TIMP2: variants seen among roughly 807,000 people sequenced by gnomAD.
TIMP2 encodes metalloproteinase inhibitor 2.
TIMP2 carries 5 observed loss-of-function variants against 24.3 expected under a neutral mutation model. The observed-to-expected ratio is 0.21, with a 90% CI of 0.11 to 0.43. TIMP2 has a LOEUF of 0.43. Among genes scored for constraint, TIMP2 ranks in the 20% least tolerant of loss-of-function variants. The probability of loss-of-function intolerance (pLI) is 1.00; values close to 1 mark genes in which losing one functional copy is unlikely to be tolerated. For missense variants in TIMP2, 221 were observed against 297.5 expected (o/e 0.74, Z 1.89); for synonymous variants, 130 against 123.2 (o/e 1.06, Z -0.37).
chr17:78,887,556 C>T (rs1283914437), intron 1 of TIMP2, among the ~76,000 whole-genome samples: 2 of 151,942 alleles, frequency 1.3e-5, no homozygotes, highest in Non-Finnish European at 1.5e-5. Flanking sequence ...GGCTAATTTC[C>T]GTATTTTTAG....
rs1469116022 is a variant in TIMP2 at position 78,925,303 on chromosome 17, C to G, written c.-215G>C. On this transcript the variant is annotated 5_prime_UTR_variant, in exon 1 of 5. Transcript: ENST00000262768. ...GGGAGGGGCGCGGGGCGCAATTCGC[C>G]GGGCGGGGCGGCGGGGTGGGGGGCG... 1 of 35,032 alleles carries G rather than the reference C, an allele frequency of 2.9e-5. No individual in the cohort carries two copies. The highest frequency in any genetic ancestry group is 3.7e-4 in the Admixed American group (1 of 2,684). 2.2% of individuals were successfully genotyped at this position (35,032 alleles called of 1,614,324 possible).
chr17:78,857,715 C>T (rs2069535863), intron 3 of TIMP2, 69 bp from the exon 4 acceptor site: 1 of 1,602,454 alleles, frequency 6.2e-7, no homozygotes, highest in Admixed American at 1.7e-5. Flanking sequence ...GCTCCTCCAC[C>T]CGGCGCAGGG....
At position 78,891,596 on chromosome 17, in the gene TIMP2, C is replaced by T. The variant is rs1442880548; in HGVS notation, c.131-17677G>A. 6.4e-7 allele frequency: 1 copy of T among 1,550,908 alleles called. No individual in the cohort carries two copies. The highest frequency in any genetic ancestry group is 1.2e-5 in the South Asian group (1 of 84,070). On this transcript the variant is annotated intron_variant, in intron 1 of 4. Transcript: ENST00000262768. The surrounding 1 kb of genome is among the most constrained non-coding windows in gnomAD (Gnocchi z 4.5). ...CAGCTGCCCGAGGTCTCTCAGCTTC[C>T]CCTCCAGACTCTGTCCCTGAGAGCG...
In TIMP2 at chr17:78,925,348, G is replaced by GC. The variant is rs2070343918; in HGVS notation, c.-261_-260insG. 3 of 151,346 alleles carry GC rather than the reference G, an allele frequency of 2.0e-5. No homozygotes were observed. Among genetic ancestry groups the GC allele is most frequent in the Non-Finnish European group, 4.5e-5 (3 of 67,226 alleles). 9.4% of individuals were successfully genotyped at this position (151,346 alleles called of 1,614,324 possible). ...GGGGCGGCGGGCGAGCGGCGCTGCGGTTCTCGGCGGCCGCGCTGCCTTCTA... is the reference window on the plus strand; with the variant it reads ...GGGGCGGCGGGCGAGCGGCGCTGCGGCTTCTCGGCGGCCGCGCTGCCTTCTA... On this transcript the variant is annotated 5_prime_UTR_variant, in exon 1 of 5. Transcript: ENST00000262768.
chr17:78,906,294 G>A (rs2070157967), intron 1 of TIMP2, among the ~76,000 whole-genome samples: 1 of 152,156 alleles, frequency 6.6e-6, no homozygotes, highest in African/African-American at 2.4e-5. Flanking sequence ...CTTAAGCCCA[G>A]AAGTTCGAGG....
chr17:78,890,993 C>A, intron 1 of TIMP2: 1 of 1,551,174 alleles, frequency 6.4e-7, no homozygotes, highest in South Asian at 1.2e-5. Flanking sequence ...TGCTTTCTGC[C>A]TTTGCCTGGA....
chr17:78,925,024 C>A lies in TIMP2; in HGVS notation c.65G>T (p.Arg22Leu). The A allele has an allele frequency of 1.6e-6, 2 of 1,271,088 alleles. No individual in the cohort carries two copies. The highest frequency in any genetic ancestry group is 2.0e-6 in the Non-Finnish European group (2 of 1,000,338). 78.7% of individuals were successfully genotyped at this position (1,271,088 alleles called of 1,614,324 possible). The change falls in exon 1 of 5, where the codon CGC becomes CTC. Residue 22 changes from arginine to leucine, a missense_variant. Transcript: ENST00000262768. ...GGAGCAGCTGCAGGCGTCGGCCGGG[C>A]GAAGCAGCGTCGCCAGCAGCAGGAG... ...LGLLLLATLL[R>L]PADACSCSPV...
rs897849751 is a variant in TIMP2, at chr17:78,874,005, G to A, written c.131-86C>T. Reference sequence around the variant, plus strand: ...AGAGGGATAAGACGTCCAGGCCTGCGGGAGGTGCTGGGGGGTTACAGACAG... The same window carrying A: ...AGAGGGATAAGACGTCCAGGCCTGCAGGAGGTGCTGGGGGGTTACAGACAG... On this transcript the variant is annotated intron_variant, in intron 1 of 4. Transcript: ENST00000262768. The A allele has an allele frequency of 8.8e-6, 11 of 1,246,820 alleles. 1 individual carries two copies. Among genetic ancestry groups the A allele is most frequent in the East Asian group, 4.7e-5 (2 of 42,414 alleles). The allele number at this position is 1,246,820 out of a possible 1,614,324, so 77.2% of individuals were successfully genotyped here.
At chr17:78,923,408 C>T (rs866787700) in intron 1 of TIMP2, among the ~76,000 whole-genome samples, 3 of 5,474 alleles carry the variant, frequency 5.5e-4, no homozygotes, top group South Asian at 6.0e-3. Flanking sequence ...GGGGGGGGGG[C>T]GGGAGGGGGA....
intron 3 of TIMP2, among the ~76,000 whole-genome samples, chr17:78,868,997 A>C (rs1189783530): frequency 6.6e-6 from 1 of 152,228 alleles, no homozygotes; most frequent in Non-Finnish European, 1.5e-5. Flanking sequence ...CCCCACAACA[A>C]AGAATGGTCC....
intron 1 of TIMP2, among the ~76,000 whole-genome samples, chr17:78,883,600 C>G (rs1308972669): frequency 6.6e-6 from 1 of 152,168 alleles, no homozygotes; most frequent in African/African-American, 2.4e-5. Flanking sequence ...GGGGGTGCTC[C>G]AGGCCCTGCC....
At chr17:78,919,205 T>C (rs1191014951) in intron 1 of TIMP2, among the ~76,000 whole-genome samples, 1 of 152,224 alleles carries the variant, frequency 6.6e-6, no homozygotes, top group African/African-American at 2.4e-5. Flanking sequence ...CCAGGCTCCC[T>C]GGGCAACGCC....
intron 1 of TIMP2, chr17:78,890,757 C>T (rs1026644545): frequency 3.2e-6 from 5 of 1,550,620 alleles, no homozygotes; most frequent in South Asian, 1.2e-5. Context: ...CTGTGCCGGT[C>T]GTCGTCGGCG....
rs1312432476 is a variant in TIMP2, at chr17:78,891,452, A to T, written c.131-17533T>A. The T allele has an allele frequency of 6.4e-7, 1 of 1,550,886 alleles. No individual in the cohort carries two copies. Among genetic ancestry groups the T allele is most frequent in the African/African-American group, 1.4e-5 (1 of 73,006 alleles). On this transcript the variant is annotated intron_variant, in intron 1 of 4. Transcript: ENST00000262768. This position sits in a 1 kb window ranked among gnomAD's most constrained non-coding sequence, Gnocchi z 4.5. ...CAGGTGTTTTTTCAGCTTTCTGTTT[A>T]TATTAAACAACTCTTCAAAGGCCAA...
At chr17:78,888,486 G>A (rs1261081597) in intron 1 of TIMP2, among the ~76,000 whole-genome samples, 8 of 151,988 alleles carry the variant, frequency 5.3e-5, no homozygotes, top group African/African-American at 1.4e-4. Flanking sequence ...ACAGGGTCTC[G>A]CTCTGTCACC....
Position 78,918,092 on chromosome 17 carries a change from A to ACACACT in TIMP2, c.130+6866_130+6867insAGTGTG, listed in dbSNP as rs1461205688. On this transcript the variant is annotated intron_variant, in intron 1 of 4. Transcript: ENST00000262768. Reference sequence around the variant, plus strand: ...CACACACACACACACACACACACACACACACACAACTTCACTTACAGTTTC... The same window carrying ACACACT: ...CACACACACACACACACACACACACACACACTCACACACAACTTCACTTACAGTTTC... Among the ~76,000 whole-genome samples the ACACACT allele has an allele frequency of 1.9e-4, 28 of 151,064 alleles. 1 individual carries two copies.
At chr17:78,916,278 C>T (rs918628516) in intron 1 of TIMP2, among the ~76,000 whole-genome samples, 5 of 152,164 alleles carry the variant, frequency 3.3e-5, no homozygotes, top group South Asian at 4.1e-4. Context: ...ATTTGACCCC[C>T]GCTCACCCTG....
In TIMP2 at chr17:78,870,891, T is replaced by C; in HGVS notation, c.340+7A>G. ...AGCCTCCGGCTGATGGCCCCACTCA[T>C]ACACACCTGCAATGAGATATTCCTT... On this transcript the variant is annotated splice_region_variant and intron_variant, in intron 3 of 4. Transcript: ENST00000262768. The C allele has an allele frequency of 6.2e-7, 1 of 1,612,510 alleles. No individual in the cohort carries two copies. Among genetic ancestry groups the C allele is most frequent in the East Asian group, 2.2e-5 (1 of 44,802 alleles).
chr17:78,879,437 A>G (rs2069758921), intron 1 of TIMP2, among the ~76,000 whole-genome samples: 1 of 152,242 alleles, frequency 6.6e-6, no homozygotes, highest in Non-Finnish European at 1.5e-5. Context: ...GAATCTGGGA[A>G]GAAATGAAAA....
Sources: gnomAD v4.1 joint callset for allele counts (sites outside exome capture counted in the v4.1 genomes callset) on GRCh38, gnomAD v4.1.1 for gene constraint, Gnocchi (gnomAD v3.1) non-coding constraint, MANE v1.5 for transcripts, NCBI Gene and HGNC (gene_info 2026-07-23, HGNC 2026-07-21) for gene names.